The following HSD17B12 variants were observed in gnomAD, a reference collection of about 807,000 sequenced individuals.
The protein encoded by HSD17B12 is very-long-chain 3-oxoacyl-CoA reductase.
HSD17B12 carries 32 observed loss-of-function variants against 39.3 expected under a neutral mutation model. The ratio of observed to expected loss-of-function variants is 0.81; its 90% CI spans 0.61 to 1.09. The LOEUF is 1.09. HSD17B12 is among the 50% of genes least tolerant of loss of function. HSD17B12 has a pLI of 0.00. For synonymous variants in HSD17B12, 150 were observed against 146.7 expected, an observed-to-expected ratio of 1.02 and a Z score of -0.16; for missense variants, 342 against 382.9, an observed-to-expected ratio of 0.89 and a Z score of 0.89.
At chr11:43,735,176 T>C (rs1412923980) in intron 1 of HSD17B12, among the ~76,000 whole-genome samples, 1 of 152,260 alleles carries the variant, frequency 6.6e-6, no homozygotes, top group Non-Finnish European at 1.5e-5. Context: ...CATCATTTGT[T>C]GGACATTTGA....
At chr11:43,668,785 A>C in the HSD17B12 span, among the ~76,000 whole-genome samples, 2 of 152,058 alleles carry the variant, frequency 1.3e-5, no homozygotes, top group Non-Finnish European at 2.9e-5. Flanking sequence ...TCACTGCAGC[A>C]TCAAACTCCT....
chr11:43,692,440 T>TA (rs1310665935), intron 1 of HSD17B12, among the ~76,000 whole-genome samples: 11 of 152,272 alleles, frequency 7.2e-5, no homozygotes, highest in Admixed American at 7.2e-4. Context: ...CCTTGAATAG[T>TA]ATTGGTAACA....
chr11:43,746,780 A>T (rs1950416166), intron 1 of HSD17B12, among the ~76,000 whole-genome samples: 1 of 152,198 alleles, frequency 6.6e-6, no homozygotes, highest in South Asian at 2.1e-4. Flanking sequence ...CACCAGCATG[A>T]CCACAAACAC....
the HSD17B12 span, among the ~76,000 whole-genome samples, chr11:43,649,873 G>T: frequency 6.6e-6 from 1 of 152,150 alleles, no homozygotes; most frequent in Non-Finnish European, 1.5e-5. Flanking sequence ...TCACTATGTC[G>T]TGAGAAACCC....
the HSD17B12 span, among the ~76,000 whole-genome samples, chr11:43,662,377 T>TTGTC: frequency 7.8e-6 from 1 of 128,524 alleles, no homozygotes; most frequent in East Asian, 2.3e-4. Flanking sequence ...TTTATTTTAT[T>TTGTC]TGTGTGTGTG....
At chr11:43,816,271 A>T in intron 5 of HSD17B12, 76 bp from the exon 6 acceptor site, 1 of 1,196,164 alleles carries the variant, frequency 8.4e-7, no homozygotes, top group Non-Finnish European at 1.1e-6. Flanking sequence ...ATGCTTCTCT[A>T]GATTACCTAA....
At chr11:43,777,102 T>G (rs1950713797) in intron 3 of HSD17B12, among the ~76,000 whole-genome samples, 1 of 152,146 alleles carries the variant, frequency 6.6e-6, no homozygotes, top group African/African-American at 2.4e-5. Context: ...CTTTTTTGGT[T>G]CCATATGAAT....
chr11:43,642,277 T>G, the HSD17B12 span, among the ~76,000 whole-genome samples: 1 of 151,754 alleles, frequency 6.6e-6, no homozygotes, highest in African/African-American at 2.4e-5. Context: ...ATATTAAGTA[T>G]ATAGATTAAG....
chr11:43,590,506 A>ATTTTTTTTTTTT, the HSD17B12 span, among the ~76,000 whole-genome samples: 491 of 51,602 alleles, frequency 9.5e-3, 92 homozygotes, highest in African/African-American at 0.025. Flanking sequence ...GGAGTGAGTG[A>ATTTTTTTTTTTT]TTTTTTTTTT....
At chr11:43,787,738 G>GAA (rs34311637) in intron 3 of HSD17B12, among the ~76,000 whole-genome samples, 35 of 140,866 alleles carry the variant, frequency 2.5e-4, no homozygotes, top group Middle Eastern at 3.5e-3. Flanking sequence ...CTCCGTCTCG[G>GAA]AAAAAAAAAA....
the HSD17B12 span, among the ~76,000 whole-genome samples, chr11:43,625,952 C>T: frequency 6.6e-6 from 1 of 150,510 alleles, no homozygotes; most frequent in African/African-American, 2.4e-5. Flanking sequence ...TAAAACTCTT[C>T]TATTTTTAAA....
At chr11:43,791,329 C>T (rs561992974) in intron 3 of HSD17B12, among the ~76,000 whole-genome samples, 10 of 152,028 alleles carry the variant, frequency 6.6e-5, no homozygotes, top group Non-Finnish European at 1.5e-4. Flanking sequence ...GTCAGGAGTT[C>T]GAGACCAGCC....
At chr11:43,680,342 G>C (rs976402037), upstream of HSD17B12, among the ~76,000 whole-genome samples, 7 of 152,170 alleles carry the variant, frequency 4.6e-5, no homozygotes, top group Admixed American at 4.6e-4. Flanking sequence ...AAAGTGCTGG[G>C]ATTACAGGTG....
the HSD17B12 span, chr11:43,644,612 A>T: frequency 1.3e-5 from 2 of 152,528 alleles, no homozygotes; most frequent in Non-Finnish European, 2.9e-5. Context: ...GGCTCTGTCC[A>T]TATGGCTGTT....
the HSD17B12 span, chr11:43,559,595 G>C: frequency 6.4e-6 from 1 of 155,906 alleles, no homozygotes; most frequent in Non-Finnish European, 1.5e-5. Flanking sequence ...CATACACAAG[G>C]AAACAGACCT....
At position 43,715,535 on chromosome 11, in the gene HSD17B12, T is replaced by C. The variant is rs560077870; in HGVS notation, c.160+34548T>C. On this transcript the variant is annotated intron_variant, in intron 1 of 10. Coordinates refer to ENST00000278353, the MANE Select transcript of HSD17B12 (RefSeq NM_016142.3). ...TGCTGGATTTGGTTTGCCAGTATTTTATTGAGGATTTTTGCATCAATGTTC... is the reference window on the plus strand; with the variant it reads ...TGCTGGATTTGGTTTGCCAGTATTTCATTGAGGATTTTTGCATCAATGTTC... Among the ~76,000 whole-genome samples the C allele has an allele frequency of 5.6e-4, 86 of 152,360 alleles. 1 individual carries two copies. The highest frequency in any genetic ancestry group is 1.9e-3 in the African/African-American group (79 of 41,588).
chr11:43,601,573 T>C, the HSD17B12 span, among the ~76,000 whole-genome samples: 2 of 151,534 alleles, frequency 1.3e-5, no homozygotes, highest in African/African-American at 2.4e-5. Flanking sequence ...GCAAGGGCAG[T>C]CTGTTAGACA....
In HSD17B12 at chr11:43,753,318, T is replaced by C. The variant is rs188882222; in HGVS notation, c.208-728T>C. 2.4e-3 allele frequency among the ~76,000 whole-genome samples: 369 copies of C among 151,982 alleles called. 3 individuals are homozygous for C. The highest frequency in any genetic ancestry group is 8.5e-3 in the African/African-American group (354 of 41,498). Reference sequence around the variant, plus strand: ...ATTATGTTTTTAGGAATTTTTAAAATTTTAGTAGTAGTTTCCTTTGCCAGT... The same window carrying C: ...ATTATGTTTTTAGGAATTTTTAAAACTTTAGTAGTAGTTTCCTTTGCCAGT... On this transcript the variant is annotated intron_variant, in intron 2 of 10. Coordinates refer to ENST00000278353, the MANE Select transcript of HSD17B12 (RefSeq NM_016142.3).
chr11:43,739,981 A>G (rs779084179), intron 1 of HSD17B12, among the ~76,000 whole-genome samples: 1 of 152,186 alleles, frequency 6.6e-6, no homozygotes, highest in East Asian at 1.9e-4. Flanking sequence ...GCTACAATGT[A>G]GAGATTGAAT....
Sources: allele counts gnomAD v4.1 joint callset (sites outside exome capture counted in the v4.1 genomes callset), GRCh38; gene constraint gnomAD v4.1.1; transcripts MANE v1.5; gene names NCBI Gene and HGNC (gene_info 2026-07-23, HGNC 2026-07-21).